Variants in UBE3A observed in about 807,000 individuals in gnomAD.
UBE3A encodes the protein ubiquitin protein ligase E3A, also known as ubiquitin-protein ligase E3A.
In UBE3A, 6 loss-of-function variants were observed where a neutral mutation model predicts 83.4. The observed-to-expected ratio is 0.07, with a 90% CI of 0.04 to 0.14. The LOEUF (loss-of-function observed/expected upper bound fraction) is 0.14. UBE3A is among the 10% of genes least tolerant of loss of function. The probability of loss-of-function intolerance (pLI) is 1.00; values close to 1 mark genes in which losing one functional copy is unlikely to be tolerated. For missense variants in UBE3A, 456 were observed against 1,036.1 expected (o/e 0.44, Z 7.69); for synonymous variants, 337 against 355.4 (o/e 0.95, Z 0.58).
intron 1 of UBE3A, among the ~76,000 whole-genome samples, chr15:25,427,149 A>G (rs1169828780): frequency 6.6e-6 from 1 of 152,162 alleles, no homozygotes; most frequent in African/African-American, 2.4e-5. Flanking sequence ...CAGCACTTAC[A>G]AATAACTGAA....
chr15:25,378,143 T>C (rs556900617), intron 4 of UBE3A, among the ~76,000 whole-genome samples: 1 of 152,306 alleles, frequency 6.6e-6, no homozygotes, highest in South Asian at 2.1e-4. Flanking sequence ...TTGTCTCTGA[T>C]TTTTAAAAAA....
chr15:25,334,855 C>T lies in UBE3A; in HGVS notation c.*4282G>A, dbSNP rs2073884365. 2 of 152,232 alleles carry T rather than the reference C, an allele frequency of 1.3e-5. No homozygotes were observed. Among genetic ancestry groups the T allele is most frequent in the South Asian group, 4.1e-4 (2 of 4,826 alleles). The allele number at this position is 152,232 out of a possible 1,614,324, so 9.4% of individuals were successfully genotyped here. ...AGATGGATATACAGATACCAATGCA[C>T]TTATGCAAAAAATGGATGAAATAGG... On this transcript the variant is annotated 3_prime_UTR_variant, in exon 13 of 13. Coordinates refer to ENST00000648336, the MANE Select transcript of UBE3A (RefSeq NM_130839.5).
intron 4 of UBE3A, chr15:25,393,813 C>T (rs913221658): frequency 2.6e-5 from 4 of 152,182 alleles, no homozygotes; most frequent in Non-Finnish European, 5.9e-5. Flanking sequence ...GACTATGACT[C>T]GTGTCACTTC....
At chr15:25,412,574 A>T (rs1480100186) in intron 1 of UBE3A, among the ~76,000 whole-genome samples, 1 of 151,620 alleles carries the variant, frequency 6.6e-6, no homozygotes, top group Non-Finnish European at 1.5e-5. Flanking sequence ...CTTAACTCTT[A>T]AAAAAAAATC....
chr15:25,367,671 C>T (rs2079550548), intron 6 of UBE3A, among the ~76,000 whole-genome samples: 1 of 151,946 alleles, frequency 6.6e-6, no homozygotes, highest in Non-Finnish European at 1.5e-5. Flanking sequence ...TCTGTCTTAG[C>T]AGTAATAAAA....
At chr15:25,374,621 C>T (rs770467769) in intron 5 of UBE3A, 4 of 152,290 alleles carry the variant, frequency 2.6e-5, no homozygotes, top group East Asian at 1.9e-4. Context: ...TGCCACTTCA[C>T]TAATTCTTTC....
intron 3 of UBE3A, chr15:25,407,510 C>T (rs953703267): frequency 6.5e-6 from 1 of 154,352 alleles, no homozygotes. Context: ...ATGATAACTA[C>T]ATCTATCTTC....
At chr15:25,436,622 T>C (rs1895168565) in intron 1 of UBE3A, among the ~76,000 whole-genome samples, 1 of 152,148 alleles carries the variant, frequency 6.6e-6, no homozygotes, top group Admixed American at 6.6e-5. Flanking sequence ...ATACAACTGA[T>C]TAAATGTTAC....
intron 11 of UBE3A, among the ~76,000 whole-genome samples, chr15:25,351,367 C>A (rs778052129): frequency 7.9e-5 from 12 of 152,134 alleles, no homozygotes; most frequent in Non-Finnish European, 1.5e-4. Flanking sequence ...CAATCAGAAT[C>A]CACGATAAAA....
Position 25,356,764 on chromosome 15 carries a change from T to C in UBE3A, c.1886A>G (p.His629Arg). ...CTTCCTGTAGACAACCATGGGAAAATGTACATCCAGTATACAGTTATTGTA... is the reference window on the plus strand; with the variant it reads ...CTTCCTGTAGACAACCATGGGAAAACGTACATCCAGTATACAGTTATTGTA... ...AIYNNCILDVHFPMVVYRKLM... is the reference protein window; with the variant it reads ...AIYNNCILDVRFPMVVYRKLM... The change falls in exon 8 of 13, where the codon CAT becomes CGT. Residue 629 changes from histidine to arginine, a missense_variant. This residue lies in a region of UBE3A where 58 missense variants were observed against 237.1 expected (regional missense o/e 0.24). Coordinates refer to ENST00000648336, the MANE Select transcript of UBE3A (RefSeq NM_130839.5). 1 of 1,613,766 alleles carries C rather than the reference T, an allele frequency of 6.2e-7. No homozygotes were observed. Among genetic ancestry groups the C allele is most frequent in the Non-Finnish European group, 8.5e-7 (1 of 1,179,896 alleles).
At chr15:25,374,652 T>C (rs1414138341) in intron 5 of UBE3A, 1 of 152,194 alleles carries the variant, frequency 6.6e-6, no homozygotes, top group Non-Finnish European at 1.5e-5. Context: ...CAAATGATGT[T>C]AGTGAAAGTT....
chr15:25,363,532 G>A (rs2078476316), intron 6 of UBE3A, among the ~76,000 whole-genome samples: 1 of 152,032 alleles, frequency 6.6e-6, no homozygotes, highest in Admixed American at 6.6e-5. Context: ...TACAGATAAG[G>A]ACCCCAAGAT....
At chr15:25,362,634 T>A (rs968111486) in intron 6 of UBE3A, among the ~76,000 whole-genome samples, 8 of 152,126 alleles carry the variant, frequency 5.3e-5, no homozygotes, top group Non-Finnish European at 1.0e-4. Context: ...GATGTGAAAA[T>A]AACCTTGGGG....
chr15:25,368,529 C>T (rs1307174321), intron 6 of UBE3A, among the ~76,000 whole-genome samples: 5 of 152,028 alleles, frequency 3.3e-5, no homozygotes, highest in African/African-American at 4.8e-5. Flanking sequence ...AACTGCCTAA[C>T]ACACATGATT....
At chr15:25,356,191 G>T in intron 8 of UBE3A, 135 bp from the exon 9 acceptor site, 1 of 1,072,164 alleles carries the variant, frequency 9.3e-7, no homozygotes, top group Non-Finnish European at 1.4e-6. Flanking sequence ...TATCCCTCCA[G>T]TCCCCCAAAT....
chr15:25,378,436 T>C (rs1029086061), intron 4 of UBE3A, among the ~76,000 whole-genome samples: 1 of 152,258 alleles, frequency 6.6e-6, no homozygotes, highest in African/African-American at 2.4e-5. Context: ...TTTTATGTAA[T>C]AGGGAGGTGA....
chr15:25,390,780 G>C lies in UBE3A; in HGVS notation c.62+14681C>G, dbSNP rs143626834. 7.9e-5 allele frequency among the ~76,000 whole-genome samples: 12 copies of C among 152,102 alleles called. No individual in the cohort carries two copies. The East Asian group carries it at 2.3e-3, about 29-fold the overall frequency. ...ATCCCTAATATAAACTACGGACTTT[G>C]GGTAATTATGATGTATCAATATAGG... On this transcript the variant is annotated intron_variant, in intron 4 of 12. Transcript: ENST00000648336.
At position 25,370,955 on chromosome 15, in the gene UBE3A, G is replaced by C. The variant is rs779846117; in HGVS notation, c.1219C>G (p.Gln407Glu). 6.2e-7 allele frequency: 1 copy of C among 1,614,010 alleles called. No homozygotes were observed. The highest frequency in any genetic ancestry group is 8.5e-7 in the Non-Finnish European group (1 of 1,179,998). ...CTTCTTTCTTCTCCCAAAAGTTCCT[G>C]AAGTGTCAGCTCGCTGGACTCAGGG... ...PIPESSELTL[Q>E]ELLGEERRNK... is the part of the protein sequence containing the mutation. The change falls in exon 6 of 13, where the codon CAG becomes GAG. Residue 407 changes from glutamine to glutamate, a missense_variant. Around this residue, in one of 13 missense-constraint regions of UBE3A, gnomAD observed 85 missense variants for 137.0 expected, o/e 0.62. Transcript: ENST00000648336. The surrounding 1 kb of genome is among the most constrained non-coding windows in gnomAD (Gnocchi z 4.2).
chr15:25,346,229 C>G (rs1177755103), intron 11 of UBE3A: 1 of 152,360 alleles, frequency 6.6e-6, no homozygotes, highest in Non-Finnish European at 1.5e-5. Context: ...CTCACCCAAA[C>G]ACACTCTGCG....
Sources: allele counts gnomAD v4.1 joint callset (sites outside exome capture counted in the v4.1 genomes callset), GRCh38; gene constraint gnomAD v4.1.1; regional missense constraint gnomAD v4.1.1; non-coding constraint Gnocchi (gnomAD v3.1); transcripts MANE v1.5; gene names NCBI Gene and HGNC (gene_info 2026-07-23, HGNC 2026-07-21).